Variants in AGMO observed in about 807,000 individuals in gnomAD.
The protein encoded by AGMO is alkylglycerol monooxygenase.
Under a neutral mutation model 60.2 loss-of-function variants are expected in AGMO, and 75 were observed. That is an observed-to-expected ratio of 1.25 (90% CI 1.03 to 1.51). AGMO has a LOEUF of 1.51. Ranked by LOEUF, AGMO falls within the 40% of genes most tolerant of loss-of-function variation. AGMO has a pLI of 0.00. For missense variants in AGMO, 763 were observed against 525.5 expected (o/e 1.45, Z -4.42); for synonymous variants, 261 against 177.1 (o/e 1.47, Z -3.76).
chr7:15,514,726 G>T (rs554876104), intron 3 of AGMO, among the ~76,000 whole-genome samples: 100 of 152,290 alleles, frequency 6.6e-4, no homozygotes, highest in Middle Eastern at 3.4e-3. Context: ...AGTTCTAGTA[G>T]TATACTTTGC....
intron 3 of AGMO, among the ~76,000 whole-genome samples, chr7:15,489,088 A>AT (rs1377833388): frequency 6.6e-6 from 1 of 152,178 alleles, no homozygotes; most frequent in Non-Finnish European, 1.5e-5. Context: ...GAACACTGCC[A>AT]TAAAAACATG....
chr7:15,163,971 T>C, the AGMO span, among the ~76,000 whole-genome samples: 1 of 152,078 alleles, frequency 6.6e-6, no homozygotes, highest in African/African-American at 2.4e-5. Context: ...TTTTTGTTAT[T>C]GTTGTTGGGA....
At chr7:15,389,678 T>C (rs1235192366) in intron 8 of AGMO, among the ~76,000 whole-genome samples, 1 of 152,188 alleles carries the variant, frequency 6.6e-6, no homozygotes, top group African/African-American at 2.4e-5. Flanking sequence ...AGCCTTTCAA[T>C]CCACCTTGGT....
the AGMO span, among the ~76,000 whole-genome samples, chr7:15,134,044 T>A: frequency 1.3e-5 from 2 of 152,202 alleles, no homozygotes; most frequent in African/African-American, 4.8e-5. Flanking sequence ...TTAACTTTCA[T>A]TTTAGGTTCG....
At chr7:15,228,001 T>C (rs1320227765) in intron 12 of AGMO, among the ~76,000 whole-genome samples, 1 of 152,146 alleles carries the variant, frequency 6.6e-6, no homozygotes, top group Non-Finnish European at 1.5e-5. Context: ...TGTTGCTGGG[T>C]GGAGCTCTCT....
the AGMO span, among the ~76,000 whole-genome samples, chr7:15,155,620 T>C: frequency 2.0e-5 from 3 of 151,990 alleles, no homozygotes; most frequent in South Asian, 6.2e-4. Flanking sequence ...AGATTCTGAA[T>C]TCTGTGTTTG....
intron 12 of AGMO, among the ~76,000 whole-genome samples, chr7:15,270,731 C>T (rs753074369): frequency 8.9e-4 from 132 of 148,296 alleles, no homozygotes; most frequent in Admixed American, 1.3e-3. Flanking sequence ...AAATTCTTTG[C>T]CTGGGTCAGT....
chr7:15,517,256 A>C (rs896511777), intron 3 of AGMO, among the ~76,000 whole-genome samples: 1 of 151,980 alleles, frequency 6.6e-6, no homozygotes, highest in African/African-American at 2.4e-5. Context: ...CATTAAATTA[A>C]AAAGATAACA....
At chr7:15,200,219 T>C (rs1418492427), downstream of AGMO, 3 of 152,118 alleles carry the variant, frequency 2.0e-5, no homozygotes, top group African/African-American at 7.2e-5. Context: ...TTTTTCCAGT[T>C]CTCATTCTTT....
chr7:15,464,769 A>G (rs1782234643), intron 3 of AGMO, among the ~76,000 whole-genome samples: 1 of 152,230 alleles, frequency 6.6e-6, no homozygotes, highest in Admixed American at 6.5e-5. Context: ...TCCTAAAAAG[A>G]GTCACCAAGT....
the AGMO span, among the ~76,000 whole-genome samples, chr7:15,142,757 A>G: frequency 1.3e-5 from 2 of 152,188 alleles, no homozygotes; most frequent in East Asian, 3.9e-4. Flanking sequence ...GAAGTAAGGG[A>G]GAATACGAGA....
chr7:15,368,415 G>A (rs1436545720), intron 10 of AGMO, among the ~76,000 whole-genome samples: 7 of 151,990 alleles, frequency 4.6e-5, no homozygotes, highest in Non-Finnish European at 1.0e-4. Context: ...TTACATATAA[G>A]GGAGAAATGA....
chr7:15,332,853 A>G (rs1408906500), intron 12 of AGMO, among the ~76,000 whole-genome samples: 1 of 152,026 alleles, frequency 6.6e-6, no homozygotes, highest in Non-Finnish European at 1.5e-5. Context: ...ACATTTTCCT[A>G]TCCTAATACT....
intron 12 of AGMO, among the ~76,000 whole-genome samples, chr7:15,230,214 T>C (rs1199787732): frequency 2.0e-5 from 3 of 152,142 alleles, no homozygotes; most frequent in Non-Finnish European, 4.4e-5. Context: ...TACAGAAGTT[T>C]TGAAAATTTT....
intron 12 of AGMO, among the ~76,000 whole-genome samples, chr7:15,216,833 A>AGCGTGTGT (rs1554396206): frequency 3.7e-4 from 54 of 147,114 alleles, no homozygotes; most frequent in African/African-American, 1.3e-3. Flanking sequence ...TGAAAGAAAA[A>AGCGTGTGT]GTGTGTGTGT....
At chr7:15,277,510 G>A (rs1783837406) in intron 12 of AGMO, among the ~76,000 whole-genome samples, 1 of 150,752 alleles carries the variant, frequency 6.6e-6, no homozygotes, top group Non-Finnish European at 1.5e-5. Flanking sequence ...CTTGCTTTTG[G>A]ATTTGTTTTC....
chr7:15,536,447 G>A (rs2038001118), intron 3 of AGMO, among the ~76,000 whole-genome samples: 1 of 151,862 alleles, frequency 6.6e-6, no homozygotes. Flanking sequence ...TGATGTTTAT[G>A]CATACAACTA....
At chr7:15,522,045 A>G (rs1784008608) in intron 3 of AGMO, among the ~76,000 whole-genome samples, 1 of 152,176 alleles carries the variant, frequency 6.6e-6, no homozygotes, top group South Asian at 2.1e-4. Context: ...GCCTCCGTAT[A>G]CAAACAATAA....
At chr7:15,342,041 G>T (rs917645851) in intron 12 of AGMO, among the ~76,000 whole-genome samples, 1 of 151,902 alleles carries the variant, frequency 6.6e-6, no homozygotes, top group South Asian at 2.1e-4. Context: ...ATCTCGCCAT[G>T]AATGCTCACT....
Sources: allele counts gnomAD v4.1 joint callset (sites outside exome capture counted in the v4.1 genomes callset), GRCh38; gene constraint gnomAD v4.1.1; transcripts MANE v1.5; gene names NCBI Gene and HGNC (gene_info 2026-07-23, HGNC 2026-07-21).